Variants in GRIN3A observed in about 807,000 individuals in gnomAD.
GRIN3A encodes the protein glutamate ionotropic receptor NMDA type subunit 3A, also known as glutamate receptor ionotropic, NMDA 3A.
Under a neutral mutation model 92.4 loss-of-function variants are expected in GRIN3A, and 47 were observed. That is an observed-to-expected ratio of 0.51 (90% CI 0.40 to 0.65). GRIN3A has a LOEUF of 0.65. Ranked by LOEUF, GRIN3A falls within the 30% of genes least tolerant of loss-of-function variation. The pLI, the probability that GRIN3A is intolerant of heterozygous loss-of-function variation, is 0.00. For missense variants in GRIN3A, 1,324 were observed against 1,393.1 expected (o/e 0.95, Z 0.79); for synonymous variants, 527 against 540.6 (o/e 0.97, Z 0.35).
chr9:101,684,771 A>G (rs924224120), intron 2 of GRIN3A, among the ~76,000 whole-genome samples: 1 of 152,196 alleles, frequency 6.6e-6, no homozygotes, highest in African/African-American at 2.4e-5. Flanking sequence ...CTTTTCTTGC[A>G]TTCTCCTTTT....
At chr9:101,617,331 AT>A (rs1564127530) in intron 5 of GRIN3A, among the ~76,000 whole-genome samples, 1 of 151,986 alleles carries the variant, frequency 6.6e-6, no homozygotes, top group Admixed American at 6.5e-5. Context: ...ACAAAAGTAT[AT>A]GATAAGAAAG....
intron 6 of GRIN3A, among the ~76,000 whole-genome samples, chr9:101,590,671 C>T (rs1421221190): frequency 6.6e-6 from 1 of 152,080 alleles, no homozygotes. Context: ...TGAGCCACCG[C>T]GCCCGGCCAA....
At chr9:101,634,121 C>T (rs931175040) in intron 3 of GRIN3A, among the ~76,000 whole-genome samples, 1 of 151,962 alleles carries the variant, frequency 6.6e-6, no homozygotes, top group Non-Finnish European at 1.5e-5. Flanking sequence ...ATCACGAGGT[C>T]AGGAGATCGA....
chr9:101,609,181 C>T (rs762679164), intron 6 of GRIN3A, among the ~76,000 whole-genome samples: 1 of 152,176 alleles, frequency 6.6e-6, no homozygotes, highest in Non-Finnish European at 1.5e-5. Flanking sequence ...AACCCATTCC[C>T]TCACCAATGA....
At chr9:101,632,664 T>C (rs567027954) in intron 3 of GRIN3A, among the ~76,000 whole-genome samples, 1 of 152,244 alleles carries the variant, frequency 6.6e-6, no homozygotes, top group East Asian at 1.9e-4. Flanking sequence ...CTGTGTGAGA[T>C]TATATTGAAA....
chr9:101,576,255 A>C (rs2118779620), intron 8 of GRIN3A, among the ~76,000 whole-genome samples: 1 of 152,304 alleles, frequency 6.6e-6, no homozygotes, highest in African/African-American at 2.4e-5. Context: ...ACTGAGGTTC[A>C]ATACTCCACT....
intron 1 of GRIN3A, among the ~76,000 whole-genome samples, chr9:101,687,871 A>G (rs748988574): frequency 5.9e-5 from 9 of 152,218 alleles, no homozygotes; most frequent in Admixed American, 1.3e-4. Flanking sequence ...ACACTTATGT[A>G]ACTTGTATCA....
chr9:101,623,539 G>A (rs1409977108), intron 4 of GRIN3A, 106 bp from the exon 5 acceptor site: 5 of 785,320 alleles, frequency 6.4e-6, no homozygotes, highest in South Asian at 1.4e-5. Flanking sequence ...CGAACACTAA[G>A]GGCCGCACAA....
chr9:101,641,829 C>T (rs1216257724), intron 3 of GRIN3A, among the ~76,000 whole-genome samples: 1 of 150,294 alleles, frequency 6.7e-6, no homozygotes, highest in Admixed American at 6.6e-5. Context: ...AAAAAGTTGA[C>T]TTAGAAACTA....
chr9:101,613,348 G>T (rs1430528555), intron 6 of GRIN3A, 28 bp downstream of exon 6: 2 of 1,613,178 alleles, frequency 1.2e-6, no homozygotes, highest in South Asian at 2.2e-5. Flanking sequence ...TATACAACGT[G>T]TCACCATTTT....
Position 101,683,847 on chromosome 9 carries a change from T to TGAGAGAGAGA in GRIN3A, c.1304+2739_1304+2748dup, listed in dbSNP as rs55960998. Among the ~76,000 whole-genome samples, 1,155 of 136,190 alleles carry TGAGAGAGAGA rather than the reference T, an allele frequency of 8.5e-3. 18 individuals carry two copies. Among genetic ancestry groups the TGAGAGAGAGA allele is most frequent in the Admixed American group, 0.039 (540 of 13,774 alleles). The allele number at this position is 136,190 out of a possible 152,430, so 89.3% of individuals were successfully genotyped here. A position where few individuals can be genotyped will look rare whatever the true frequency, so the allele number is the denominator to read the frequency against. Reference sequence around the variant, plus strand: ...CATAAGGAGAGAGAGAGAGAGACAGTGAGAGAGAGAGAGAGAGAGAGAGAG... The same window carrying TGAGAGAGAGA: ...CATAAGGAGAGAGAGAGAGAGACAGTGAGAGAGAGAGAGAGAGAGAGAGAGAGAGAGAGAG... On this transcript the variant is annotated intron_variant, in intron 2 of 8. Coordinates refer to ENST00000361820, the MANE Select transcript of GRIN3A (RefSeq NM_133445.3).
chr9:101,647,480 G>A (rs919387259), intron 3 of GRIN3A, among the ~76,000 whole-genome samples: 1 of 150,916 alleles, frequency 6.6e-6, no homozygotes, highest in South Asian at 2.1e-4. Context: ...GTCTTTGTCT[G>A]GTTTTGGTAC....
chr9:101,728,798 G>C (rs1049965797), intron 1 of GRIN3A, among the ~76,000 whole-genome samples: 11 of 152,174 alleles, frequency 7.2e-5, no homozygotes, highest in African/African-American at 2.7e-4. Context: ...TATGCATCTA[G>C]AAAGTCCCAT....
At chr9:101,580,563 G>T (rs1827874956) in intron 6 of GRIN3A, among the ~76,000 whole-genome samples, 1 of 152,108 alleles carries the variant, frequency 6.6e-6, no homozygotes, top group Admixed American at 6.6e-5. Flanking sequence ...ATTTGGATCT[G>T]GTAGGGAACA....
At chr9:101,637,461 G>T (rs1269978786) in intron 3 of GRIN3A, among the ~76,000 whole-genome samples, 2 of 152,196 alleles carry the variant, frequency 1.3e-5, no homozygotes, top group Non-Finnish European at 2.9e-5. Flanking sequence ...AAAATATGGA[G>T]CATGGGCTAG....
intron 2 of GRIN3A, among the ~76,000 whole-genome samples, chr9:101,683,980 A>G (rs902200846): frequency 7.2e-5 from 11 of 152,222 alleles, no homozygotes; most frequent in Admixed American, 5.9e-4. Flanking sequence ...TTTCTTCTAC[A>G]GCAACAGATA....
At chr9:101,700,542 G>T (rs77260788) in intron 1 of GRIN3A, among the ~76,000 whole-genome samples, 1,565 of 152,146 alleles carry the variant, frequency 0.01, 9 homozygotes, top group Middle Eastern at 0.017. Flanking sequence ...CTCAATGTGT[G>T]TCCTTCATTT....
rs111453919 is a variant in GRIN3A, at chr9:101,737,763, G to T, written c.217C>A (p.Arg73=). ...RAASRAPDDS[R]AGAQRDEPEP... is the part of the protein sequence containing the mutation. ...GGCTCATCCCTCTGGGCTCCTGCTC[G>T]GCTGTCGTCCGGAGCGCGGCTGGCC... Residue 73 remains arginine, a synonymous_variant, in exon 1 of 9, where the codon CGA becomes AGA. Coordinates refer to ENST00000361820, the MANE Select transcript of GRIN3A (RefSeq NM_133445.3). 6.5e-7 allele frequency: 1 copy of T among 1,529,078 alleles called. No homozygotes were observed. The highest frequency in any genetic ancestry group is 8.7e-7 in the Non-Finnish European group (1 of 1,144,008). 94.7% of individuals were successfully genotyped at this position (1,529,078 alleles called of 1,614,324 possible). A position where few individuals can be genotyped will look rare whatever the true frequency, so the allele number is the denominator to read the frequency against.
chr9:101,682,572 G>T (rs377195044), intron 2 of GRIN3A, among the ~76,000 whole-genome samples: 2 of 152,108 alleles, frequency 1.3e-5, no homozygotes, highest in African/African-American at 4.8e-5. Flanking sequence ...TTGTCTACCC[G>T]ACCATAGTTC....
Sources: allele counts gnomAD v4.1 joint callset (sites outside exome capture counted in the v4.1 genomes callset), GRCh38; gene constraint gnomAD v4.1.1; transcripts MANE v1.5; gene names NCBI Gene and HGNC (gene_info 2026-07-23, HGNC 2026-07-21).